The following NCEH1 variants were observed in gnomAD, a reference collection of about 807,000 sequenced individuals.
NCEH1 encodes 2-acetyl MAGE hydrolase.
Under a neutral mutation model 25.4 loss-of-function variants are expected in NCEH1, and 9 were observed. The ratio of observed to expected loss-of-function variants is 0.35; its 90% confidence interval spans 0.21 to 0.62. NCEH1 has a LOEUF of 0.62. NCEH1 is among the 20% of genes least tolerant of loss of function. The probability of loss-of-function intolerance (pLI) is 0.72; values close to 1 mark genes in which losing one functional copy is unlikely to be tolerated. For synonymous variants in NCEH1, 200 were observed against 199.8 expected, an observed-to-expected ratio of 1.00 and a Z score of -0.01; for missense variants, 412 against 501.1, an observed-to-expected ratio of 0.82 and a Z score of 1.70.
intron 1 of NCEH1, among the ~76,000 whole-genome samples, chr3:172,684,623 A>G (rs567480413): frequency 6.6e-6 from 1 of 152,198 alleles, no homozygotes; most frequent in Non-Finnish European, 1.5e-5. Flanking sequence ...CATCTAGTCT[A>G]TGTGCAATTC....
chr3:172,641,388 C>T (rs895453560), intron 3 of NCEH1, among the ~76,000 whole-genome samples: 17 of 152,178 alleles, frequency 1.1e-4, no homozygotes, highest in Non-Finnish European at 5.9e-5. Context: ...TGTCCCCAGA[C>T]CCTTGAGCCA....
At chr3:172,669,417 A>G (rs1718381096) in intron 1 of NCEH1, among the ~76,000 whole-genome samples, 1 of 152,262 alleles carries the variant, frequency 6.6e-6, no homozygotes, top group East Asian at 1.9e-4. Context: ...ATTTTAGCTC[A>G]GAATGGTAAT....
intron 3 of NCEH1, among the ~76,000 whole-genome samples, chr3:172,643,864 C>G (rs115826606): frequency 6.6e-6 from 1 of 152,184 alleles, no homozygotes; most frequent in Non-Finnish European, 1.5e-5. Context: ...TCCTCAACAC[C>G]GAGCTGTAGG....
In NCEH1 at chr3:172,635,813, C is replaced by A. The variant is rs1716573432; in HGVS notation, c.609+103G>T. 3 of 1,087,286 alleles carry A rather than the reference C, an allele frequency of 2.8e-6. No individual in the cohort carries two copies. In the Admixed American group the frequency reaches 6.2e-5, roughly 23 times the overall value. The allele number at this position is 1,087,286 out of a possible 1,614,324, so 67.4% of individuals were successfully genotyped here. The stretch of plus-strand genomic sequence containing the variant: ...ACAATTTGGCCATCTAGTGACCGGC[C>A]CACCCAGCTATGCATTTGCCACACA... On this transcript the variant is annotated intron_variant, in intron 4 of 4. Coordinates refer to ENST00000475381, the MANE Select transcript of NCEH1 (RefSeq NM_020792.6).
chr3:172,692,676 T>C (rs1473773366), intron 1 of NCEH1, among the ~76,000 whole-genome samples: 1 of 152,156 alleles, frequency 6.6e-6, no homozygotes. Context: ...AGAATATTTT[T>C]AGTAAGTAGT....
chr3:172,641,091 T>C (rs1217801666), intron 3 of NCEH1, among the ~76,000 whole-genome samples: 7 of 152,076 alleles, frequency 4.6e-5, no homozygotes, highest in Non-Finnish European at 1.5e-5. Context: ...AGAGTGAGAC[T>C]CTGTCTCAAA....
intron 1 of NCEH1, among the ~76,000 whole-genome samples, chr3:172,708,170 A>G (rs1475059651): frequency 1.3e-5 from 2 of 152,258 alleles, no homozygotes; most frequent in Non-Finnish European, 2.9e-5. Flanking sequence ...ATGCTAAAGC[A>G]TAAAGTATTT....
intron 3 of NCEH1, among the ~76,000 whole-genome samples, chr3:172,638,117 AAT>A (rs1716678047): frequency 6.6e-6 from 1 of 152,104 alleles, no homozygotes; most frequent in Non-Finnish European, 1.5e-5. Flanking sequence ...ATGTTTGTGA[AAT>A]ACGTTGACAA....
intron 1 of NCEH1, among the ~76,000 whole-genome samples, chr3:172,679,285 T>G (rs1162804982): frequency 1.3e-5 from 2 of 152,166 alleles, no homozygotes; most frequent in African/African-American, 4.8e-5. Context: ...TCTAAGAACA[T>G]GAAGTGTATT....
At chr3:172,682,193 G>T (rs1388374072) in intron 1 of NCEH1, among the ~76,000 whole-genome samples, 1 of 152,198 alleles carries the variant, frequency 6.6e-6, no homozygotes, top group East Asian at 1.9e-4. Flanking sequence ...AAGGTTCCGA[G>T]TTTAGGGAAA....
chr3:172,691,985 G>C (rs1290141202), intron 1 of NCEH1, among the ~76,000 whole-genome samples: 48 of 53,276 alleles, frequency 9.0e-4, no homozygotes, highest in Non-Finnish European at 1.3e-3. Context: ...AAGAAAGAAA[G>C]AAAGAACAGG....
At chr3:172,690,124 C>T (rs1382251070) in intron 1 of NCEH1, among the ~76,000 whole-genome samples, 2 of 151,980 alleles carry the variant, frequency 1.3e-5, no homozygotes, top group Non-Finnish European at 2.9e-5. Context: ...AGGATGGTCT[C>T]AATCTCCTCA....
intron 1 of NCEH1, among the ~76,000 whole-genome samples, chr3:172,678,703 T>G (rs1426039934): frequency 6.6e-6 from 1 of 152,230 alleles, no homozygotes; most frequent in African/African-American, 2.4e-5. Flanking sequence ...TTTTTTAAAC[T>G]ATATGTATTA....
chr3:172,650,648 C>A (rs1014176815), intron 1 of NCEH1, among the ~76,000 whole-genome samples: 116 of 119,434 alleles, frequency 9.7e-4, no homozygotes, highest in South Asian at 1.9e-3. Context: ...GACTCCGTCT[C>A]AAAAAAAAAA....
chr3:172,637,076 C>A (rs571824751), intron 3 of NCEH1, among the ~76,000 whole-genome samples: 20 of 152,206 alleles, frequency 1.3e-4, no homozygotes, highest in African/African-American at 4.6e-4. Flanking sequence ...TTCTTATTGG[C>A]TCATATGAAA....
intron 1 of NCEH1, among the ~76,000 whole-genome samples, chr3:172,702,404 C>T (rs1322327780): frequency 6.6e-6 from 1 of 152,226 alleles, no homozygotes; most frequent in African/African-American, 2.4e-5. Context: ...CTTTCCAAGG[C>T]TCTTGCAGCA....
Position 172,633,362 on chromosome 3 carries a change from C to A in NCEH1, c.*113G>T. 1 of 1,022,438 alleles carries A rather than the reference C, an allele frequency of 9.8e-7. No individual in the cohort carries two copies. The highest frequency in any genetic ancestry group is 1.4e-6 in the Non-Finnish European group (1 of 689,988). The allele number at this position is 1,022,438 out of a possible 1,614,324, so 63.3% of individuals were successfully genotyped here. ...CAGTTATGGAATAGAAATTCCATAA[C>A]TCGCAAGTAGAGGGGAATGGGAGGA... On this transcript the variant is annotated 3_prime_UTR_variant, in exon 5 of 5. Transcript: ENST00000475381.
chr3:172,691,355 T>G (rs1713025941), intron 1 of NCEH1, among the ~76,000 whole-genome samples: 1 of 40,080 alleles, frequency 2.5e-5, no homozygotes, highest in Admixed American at 2.8e-4. Flanking sequence ...ATTATGAGCT[T>G]CTAGATCTCT....
intron 1 of NCEH1, among the ~76,000 whole-genome samples, chr3:172,689,345 G>A (rs1712894314): frequency 1.5e-5 from 2 of 131,956 alleles, no homozygotes; most frequent in South Asian, 2.5e-4. Context: ...CGCAACCTCC[G>A]CCTCCCGGGT....
Sources: gnomAD v4.1 joint callset for allele counts (sites outside exome capture counted in the v4.1 genomes callset) on GRCh38, gnomAD v4.1.1 for gene constraint, MANE v1.5 for transcripts, NCBI Gene and HGNC (gene_info 2026-07-23, HGNC 2026-07-21) for gene names.